Variants in ATG16L1 observed in about 807,000 individuals in gnomAD.
ATG16L1 encodes autophagy-related protein 16-1.
ATG16L1 carries 37 observed loss-of-function variants against 88.5 expected under a neutral mutation model. The ratio of observed to expected loss-of-function variants is 0.42; its 90% CI spans 0.32 to 0.55. The LOEUF is 0.55. ATG16L1 is among the 20% of genes least tolerant of loss of function. The pLI is 0.13. For synonymous variants in ATG16L1, 301 were observed against 281.0 expected, an observed-to-expected ratio of 1.07 and a Z score of -0.71; for missense variants, 554 against 752.8, an observed-to-expected ratio of 0.74 and a Z score of 3.09.
At position 233,294,397 on chromosome 2, in the gene ATG16L1, G is replaced by A. The variant is rs1699674726; in HGVS notation, c.*47G>A. 1 of 1,490,120 alleles carries A rather than the reference G, an allele frequency of 6.7e-7. No homozygotes were observed. Among genetic ancestry groups the A allele is most frequent in the Admixed American group, 1.7e-5 (1 of 58,658 alleles). The allele number at this position is 1,490,120 out of a possible 1,614,324, so 92.3% of individuals were successfully genotyped here. A position where few individuals can be genotyped will look rare whatever the true frequency, so the allele number is the denominator to read the frequency against. On this transcript the variant is annotated 3_prime_UTR_variant, in exon 18 of 18. Coordinates refer to ENST00000392017, the MANE Select transcript of ATG16L1 (RefSeq NM_030803.7). Reference sequence around the variant, plus strand: ...GACCCCAGTGCCCTCCTCAGAAGAAGCACATGGGCTCCTGCAGCCCTGTCC... The same window carrying A: ...GACCCCAGTGCCCTCCTCAGAAGAAACACATGGGCTCCTGCAGCCCTGTCC...
intron 12 of ATG16L1, among the ~76,000 whole-genome samples, chr2:233,286,042 A>G (rs1397201432): frequency 1.3e-5 from 2 of 150,530 alleles, no homozygotes; most frequent in Non-Finnish European, 3.0e-5. Context: ...TTGCTTGAGA[A>G]CCCCCCTGCC....
At chr2:233,273,236 G>A (rs1698112033) in intron 7 of ATG16L1, 184 bp downstream of exon 7, 3 of 576,516 alleles carry the variant, frequency 5.2e-6, no homozygotes, top group East Asian at 2.9e-5. Context: ...TTAATGGGAG[G>A]GAAGCAGAAC....
chr2:233,285,022 C>T (rs941995886), intron 12 of ATG16L1, among the ~76,000 whole-genome samples: 8 of 152,200 alleles, frequency 5.3e-5, no homozygotes, highest in African/African-American at 1.2e-4. Context: ...GTCTTAATGA[C>T]GGACTAGGGA....
chr2:233,288,826 C>T (rs1384743516), intron 12 of ATG16L1: 3 of 519,102 alleles, frequency 5.8e-6, no homozygotes, highest in Non-Finnish European at 1.2e-5. Flanking sequence ...TTCTGTGTTC[C>T]TCCGTGAGCT....
intron 5 of ATG16L1, among the ~76,000 whole-genome samples, chr2:233,266,581 A>G (rs1485290781): frequency 1.3e-5 from 2 of 152,252 alleles, no homozygotes; most frequent in Non-Finnish European, 2.9e-5. Flanking sequence ...AATAGGAAAG[A>G]GTCTTTTAAA....
chr2:233,264,779 TG>T, intron 4 of ATG16L1, 112 bp from the exon 5 acceptor site: 1 of 1,403,336 alleles, frequency 7.1e-7, no homozygotes, highest in Non-Finnish European at 9.7e-7. Flanking sequence ...GGGATGGGCC[TG>T]GCTAAAAGAT....
chr2:233,264,731 G>A (rs1217831290), intron 4 of ATG16L1, among the ~76,000 whole-genome samples, 161 bp from the exon 5 acceptor site: 2 of 152,144 alleles, frequency 1.3e-5, no homozygotes, highest in Admixed American at 1.3e-4. Flanking sequence ...TTTCACCTTA[G>A]GTGTTTCCTC....
chr2:233,258,716 A>T (rs1696986167), intron 2 of ATG16L1, among the ~76,000 whole-genome samples: 1 of 152,120 alleles, frequency 6.6e-6, no homozygotes, highest in South Asian at 2.1e-4. Context: ...GACTTTTTTG[A>T]GGCAGGGTCT....
chr2:233,266,089 G>A (rs904867937), intron 5 of ATG16L1: 2 of 152,134 alleles, frequency 1.3e-5, no homozygotes, highest in Non-Finnish European at 2.9e-5. Flanking sequence ...TGAAAAGAAG[G>A]AGTGATCACC....
chr2:233,251,855 T>A lies in ATG16L1; in HGVS notation c.28T>A (p.Phe10Ile). 6.5e-7 allele frequency: 1 copy of A among 1,550,174 alleles called. No homozygotes were observed. The highest frequency in any genetic ancestry group is 8.7e-7 in the Non-Finnish European group (1 of 1,147,046). MSSGLRAADFPRWKRHISEQ... is the reference protein window; with the variant it reads MSSGLRAADIPRWKRHISEQ... The stretch of plus-strand genomic sequence containing the variant: ...GTCGTCGGGCCTCCGCGCCGCTGAC[T>A]TCCCCCGCTGGAAGCGCCACATCTC... The change falls in exon 1 of 18, where the codon TTC becomes ATC. Residue 10 changes from phenylalanine to isoleucine, a missense_variant. Phe to Ile is a conservative substitution (Grantham distance 21). Around this residue, in one of 5 missense-constraint regions of ATG16L1, gnomAD observed 101 missense variants for 107.0 expected, o/e 0.94. Transcript: ENST00000392017.
At chr2:233,282,252 G>T (rs1267140033) in intron 11 of ATG16L1, among the ~76,000 whole-genome samples, 1 of 152,210 alleles carries the variant, frequency 6.6e-6, no homozygotes, top group East Asian at 1.9e-4. Flanking sequence ...CCCAGGTGGG[G>T]GCTGAGGAAA....
At chr2:233,289,376 G>GGTGTGTGTGTGTGTGT (rs757994844) in intron 12 of ATG16L1, among the ~76,000 whole-genome samples, 156 of 55,306 alleles carry the variant, frequency 2.8e-3, no homozygotes, top group Middle Eastern at 0.01. Flanking sequence ...TCCTGTTTGG[G>GGTGTGTGTGTGTGTGT]ATGTGTGTGT....
At chr2:233,270,998 A>G (rs1337286311) in intron 6 of ATG16L1, among the ~76,000 whole-genome samples, 1 of 152,236 alleles carries the variant, frequency 6.6e-6, no homozygotes, top group South Asian at 2.1e-4. Context: ...AAAGGTTCCC[A>G]TATCATGCCT....
chr2:233,267,605 C>T (rs1345149845), intron 5 of ATG16L1, among the ~76,000 whole-genome samples: 1 of 152,038 alleles, frequency 6.6e-6, no homozygotes, highest in Non-Finnish European at 1.5e-5. Context: ...ATAAGCTGTC[C>T]TTTTTGTATT....
At chr2:233,279,098 A>T (rs1269032576) in intron 10 of ATG16L1, among the ~76,000 whole-genome samples, 2 of 152,144 alleles carry the variant, frequency 1.3e-5, no homozygotes, top group African/African-American at 2.4e-5. Flanking sequence ...AGATCAATTG[A>T]GCCCAGGAGT....
chr2:233,260,873 T>C (rs1697159326), intron 2 of ATG16L1, among the ~76,000 whole-genome samples: 1 of 152,206 alleles, frequency 6.6e-6, no homozygotes, highest in African/African-American at 2.4e-5. Context: ...CATCCTTGTC[T>C]GGGGAAATCT....
At chr2:233,254,442 C>T (rs73998322) in intron 1 of ATG16L1, among the ~76,000 whole-genome samples, 2,859 of 152,294 alleles carry the variant, frequency 0.019, 94 homozygotes, top group African/African-American at 0.065. Flanking sequence ...GCCAGTCAAG[C>T]TCTGACCCTC....
At chr2:233,274,525 A>T in intron 8 of ATG16L1, 151 bp from the exon 9 acceptor site, 1 of 557,386 alleles carries the variant, frequency 1.8e-6, no homozygotes, top group Non-Finnish European at 3.1e-6. Context: ...TTTTTTTGTG[A>T]ATTGTTCTGT....
Position 233,251,740 on chromosome 2 carries a change from C to A in ATG16L1, c.-88C>A, listed in dbSNP as rs1041545980. The A allele has an allele frequency of 1.7e-5, 21 of 1,251,358 alleles. No homozygotes were observed. In the Admixed American group the frequency reaches 1.8e-4, roughly 11 times the overall value. 77.5% of individuals were successfully genotyped at this position (1,251,358 alleles called of 1,614,324 possible). A position where few individuals can be genotyped will look rare whatever the true frequency, so the allele number is the denominator to read the frequency against. On this transcript the variant is annotated 5_prime_UTR_variant, in exon 1 of 18. Transcript: ENST00000392017. The stretch of plus-strand genomic sequence containing the variant: ...TGAGCTCCGGGATTGCCGGCATTCC[C>A]GCTTCTGCTGGTTGCTTCATGCTGC...
Sources: gnomAD v4.1 joint callset for allele counts (sites outside exome capture counted in the v4.1 genomes callset) on GRCh38, gnomAD v4.1.1 for gene constraint, gnomAD v4.1.1 regional missense constraint, MANE v1.5 for transcripts, NCBI Gene and HGNC (gene_info 2026-07-23, HGNC 2026-07-21) for gene names.